Variants in STYXL1 observed in about 807,000 individuals in gnomAD.
STYXL1 encodes serine/threonine/tyrosine interacting like 1.
Under a neutral mutation model 36.4 loss-of-function variants are expected in STYXL1, and 32 were observed. The observed-to-expected ratio is 0.88, with a 90% CI of 0.66 to 1.18. The LOEUF is 1.18. STYXL1 is among the 50% of genes most tolerant of loss of function. The pLI is 0.00. For synonymous variants in STYXL1, 133 were observed against 144.1 expected (o/e 0.92, Z 0.55); for missense variants, 354 against 394.1 (o/e 0.90, Z 0.86).
chr7:76,011,982 G>T (rs540838928), intron 5 of STYXL1, among the ~76,000 whole-genome samples: 82 of 152,360 alleles, frequency 5.4e-4, no homozygotes, highest in African/African-American at 1.9e-3. Flanking sequence ...GGACAAAGGG[G>T]TTTAATATCT....
At chr7:76,033,607 C>T (rs1795618664) in intron 1 of STYXL1, among the ~76,000 whole-genome samples, 1 of 152,132 alleles carries the variant, frequency 6.6e-6, no homozygotes, top group Non-Finnish European at 1.5e-5. Flanking sequence ...AATGCCAGCA[C>T]CTCAACTTAA....
intron 2 of STYXL1, among the ~76,000 whole-genome samples, 185 bp from the exon 3 acceptor site, chr7:76,028,888 G>T (rs1554578489): frequency 6.6e-6 from 1 of 152,056 alleles, no homozygotes. Context: ...ACTTTGGAAG[G>T]CCGAGGCAGG....
rs111416326 is a variant in STYXL1 at position 76,005,186 on chromosome 7, A to G, written c.599+73T>C. ...GTGTAATAATAATAAAATTAAAAAAAATAAATAAAATAAATTTAAATATTA... is the reference window on the plus strand; with the variant it reads ...GTGTAATAATAATAAAATTAAAAAAGATAAATAAAATAAATTTAAATATTA... On this transcript the variant is annotated intron_variant, in intron 6 of 8. Transcript: ENST00000359697. The G allele has an allele frequency of 3.0e-5, 29 of 951,900 alleles. No homozygotes were observed. The African/African-American group carries it at 4.7e-4, about 16-fold the overall frequency. The allele number at this position is 951,900 out of a possible 1,614,324, so 59.0% of individuals were successfully genotyped here.
At chr7:76,020,495 T>C (rs1381662642) in intron 4 of STYXL1, among the ~76,000 whole-genome samples, 3 of 152,172 alleles carry the variant, frequency 2.0e-5, no homozygotes, top group African/African-American at 7.2e-5. Flanking sequence ...GCTTTAATGT[T>C]CTGACTTGGG....
intron 1 of STYXL1, among the ~76,000 whole-genome samples, chr7:76,039,675 A>C (rs1796290921): frequency 6.6e-6 from 1 of 151,846 alleles, no homozygotes; most frequent in Admixed American, 6.6e-5. Context: ...TTTTTGTGAC[A>C]GTGTCTCTGT....
chr7:76,027,257 G>GTGAC (rs1187801408), intron 3 of STYXL1, among the ~76,000 whole-genome samples: 2 of 151,902 alleles, frequency 1.3e-5, no homozygotes, highest in Non-Finnish European at 2.9e-5. Flanking sequence ...AGGGGACATG[G>GTGAC]TGACTGTGTG....
At chr7:76,045,081 AT>A (rs1168963894) in intron 1 of STYXL1, 1 of 152,154 alleles carries the variant, frequency 6.6e-6, no homozygotes, top group Non-Finnish European at 1.5e-5. Context: ...CTCCTTTGGT[AT>A]AACCTCCTTT....
At chr7:76,023,749 C>T (rs1444880789) in intron 3 of STYXL1, among the ~76,000 whole-genome samples, 1 of 151,960 alleles carries the variant, frequency 6.6e-6, no homozygotes, top group African/African-American at 2.4e-5. Context: ...GGCGCGGAGG[C>T]TCATGTCTGT....
intron 1 of STYXL1, among the ~76,000 whole-genome samples, chr7:76,032,598 A>G (rs1381107359): frequency 1.3e-5 from 2 of 152,140 alleles, no homozygotes; most frequent in Non-Finnish European, 2.9e-5. Flanking sequence ...GCTACTCGGG[A>G]GGCTGAGGCA....
intron 5 of STYXL1, among the ~76,000 whole-genome samples, chr7:76,009,331 C>T (rs1215001142): frequency 6.6e-6 from 1 of 151,454 alleles, no homozygotes; most frequent in Non-Finnish European, 1.5e-5. Flanking sequence ...GTCACCCACG[C>T]CTAAAACCAG....
At chr7:76,033,645 G>T (rs569884985) in intron 1 of STYXL1, among the ~76,000 whole-genome samples, 1 of 152,128 alleles carries the variant, frequency 6.6e-6, no homozygotes, top group Non-Finnish European at 1.5e-5. Flanking sequence ...CCTCCTCAAA[G>T]ACTTCAGTTC....
intron 8 of STYXL1, among the ~76,000 whole-genome samples, chr7:75,999,411 G>C (rs1321566041): frequency 2.6e-5 from 4 of 152,114 alleles, no homozygotes; most frequent in Non-Finnish European, 5.9e-5. Context: ...AAGTTTGGGA[G>C]ATTAGTTGTA....
chr7:75,998,301 A>AC (rs1554564886), intron 8 of STYXL1, among the ~76,000 whole-genome samples: 3 of 146,744 alleles, frequency 2.0e-5, no homozygotes, highest in Non-Finnish European at 4.5e-5. Context: ...TGGTCAAGCA[A>AC]TTTTTTTTTT....
chr7:76,040,763 G>A (rs1796404523), intron 1 of STYXL1, among the ~76,000 whole-genome samples: 1 of 151,368 alleles, frequency 6.6e-6, no homozygotes. Context: ...TTGAACCTGG[G>A]AGACGGAGGT....
chr7:76,027,274 T>C (rs1205277896), intron 3 of STYXL1, among the ~76,000 whole-genome samples: 3 of 151,424 alleles, frequency 2.0e-5, no homozygotes, highest in Non-Finnish European at 4.4e-5. Context: ...TGTGCAGGGC[T>C]CTGTCCACTC....
At chr7:76,001,119 C>G in intron 7 of STYXL1, 117 bp from the exon 8 acceptor site, 1 of 738,604 alleles carries the variant, frequency 1.4e-6, no homozygotes, top group South Asian at 1.5e-5. Context: ...AAAACCAGCC[C>G]ACGTGACCTC....
At chr7:76,003,618 G>T in intron 7 of STYXL1, 140 bp downstream of exon 7, 2 of 716,142 alleles carry the variant, frequency 2.8e-6, no homozygotes, top group Non-Finnish European at 4.6e-6. Flanking sequence ...CCACCCAGAT[G>T]GAGCATATGC....
intron 5 of STYXL1, among the ~76,000 whole-genome samples, chr7:76,007,615 T>C (rs565257379): frequency 2.5e-4 from 38 of 151,942 alleles, no homozygotes; most frequent in African/African-American, 8.4e-4. Flanking sequence ...ACACGTACAT[T>C]AGCAATCAAA....
At chr7:76,032,681 GAC>G (rs1339432337) in intron 1 of STYXL1, among the ~76,000 whole-genome samples, 3 of 151,910 alleles carry the variant, frequency 2.0e-5, no homozygotes, top group Non-Finnish European at 4.4e-5. Flanking sequence ...CAGCCTGGGT[GAC>G]AGAGTAACTT....
Sources: allele counts gnomAD v4.1 joint callset (sites outside exome capture counted in the v4.1 genomes callset), GRCh38; gene constraint gnomAD v4.1.1; transcripts MANE v1.5; gene names NCBI Gene and HGNC (gene_info 2026-07-23, HGNC 2026-07-21).